Variants in RPSA2 observed in about 807,000 individuals in gnomAD.
RPSA2 encodes the protein small ribosomal subunit protein uS2B.
the RPSA2 span, among the ~76,000 whole-genome samples, chr19:23,835,615 G>GT: frequency 7.3e-5 from 11 of 151,130 alleles, no homozygotes; most frequent in African/African-American, 2.7e-4. Context: ...TTGTTTAATA[G>GT]TTTTTTTTTT....
At chr19:23,861,572 C>T in the RPSA2 span, among the ~76,000 whole-genome samples, 2 of 152,076 alleles carry the variant, frequency 1.3e-5, no homozygotes, top group African/African-American at 2.4e-5. Context: ...ACTTTTCCAC[C>T]GGGCCTCAGT....
the RPSA2 span, among the ~76,000 whole-genome samples, chr19:23,841,372 G>A: frequency 6.6e-6 from 1 of 152,210 alleles, no homozygotes; most frequent in South Asian, 2.1e-4. Context: ...GCTAAGGCAG[G>A]AGAATGGCGT....
chr19:23,809,610 G>T, the RPSA2 span: 1 of 151,720 alleles, frequency 6.6e-6, no homozygotes, highest in Non-Finnish European at 1.5e-5. Context: ...TTATTTCATT[G>T]CTATTGTAAA....
the RPSA2 span, among the ~76,000 whole-genome samples, chr19:23,767,680 A>G: frequency 6.6e-6 from 1 of 151,738 alleles, no homozygotes; most frequent in Non-Finnish European, 1.5e-5. Context: ...CAGTGGAGTC[A>G]GACATGTTTG....
At chr19:23,775,116 A>G in the RPSA2 span, among the ~76,000 whole-genome samples, 2 of 152,236 alleles carry the variant, frequency 1.3e-5, no homozygotes, top group Non-Finnish European at 2.9e-5. Context: ...CACATATTGT[A>G]TGAAGCCCCG....
the RPSA2 span, among the ~76,000 whole-genome samples, chr19:23,844,552 G>A: frequency 6.6e-6 from 1 of 152,044 alleles, no homozygotes; most frequent in Admixed American, 6.5e-5. Flanking sequence ...TATGCTTTTA[G>A]TTTGAGTTAT....
At chr19:23,767,293 G>A in the RPSA2 span, among the ~76,000 whole-genome samples, 1 of 151,980 alleles carries the variant, frequency 6.6e-6, no homozygotes, top group Non-Finnish European at 1.5e-5. Flanking sequence ...TTGCCAGGCT[G>A]GTCTCTAACT....
At chr19:23,845,256 T>C in the RPSA2 span, among the ~76,000 whole-genome samples, 2,192 of 71,154 alleles carry the variant, frequency 0.031, 71 homozygotes, top group African/African-American at 0.095. Context: ...TTATTTCATT[T>C]GGTTCTGTTC....
chr19:23,792,669 C>T, the RPSA2 span, among the ~76,000 whole-genome samples: 5 of 151,616 alleles, frequency 3.3e-5, no homozygotes, highest in South Asian at 6.3e-4. Context: ...CGCGCACCAC[C>T]AAGCCCGGCT....
At chr19:23,790,221 A>G in the RPSA2 span, among the ~76,000 whole-genome samples, 2 of 151,924 alleles carry the variant, frequency 1.3e-5, no homozygotes, top group African/African-American at 4.8e-5. Context: ...CTGGCTTGGC[A>G]CTTCTGACCT....
At chr19:23,841,363 C>A in the RPSA2 span, among the ~76,000 whole-genome samples, 3 of 152,036 alleles carry the variant, frequency 2.0e-5, no homozygotes, top group Non-Finnish European at 4.4e-5. Flanking sequence ...ACTCGGGAGG[C>A]TAAGGCAGGA....
At chr19:23,758,865 C>T in the RPSA2 span, 7 of 1,450,458 alleles carry the variant, frequency 4.8e-6, no homozygotes, top group Admixed American at 3.9e-5. Flanking sequence ...GAAGACGAGA[C>T]CCGGAGCTCG....
chr19:23,863,891 T>C, the RPSA2 span, among the ~76,000 whole-genome samples: 1 of 152,132 alleles, frequency 6.6e-6, no homozygotes. Context: ...CACCATCTGC[T>C]CTCCAGTGCA....
chr19:23,844,427 T>G, the RPSA2 span, among the ~76,000 whole-genome samples: 1 of 152,244 alleles, frequency 6.6e-6, no homozygotes, highest in East Asian at 1.9e-4. Flanking sequence ...TGAATCAAAT[T>G]GTAGTTCTAT....
the RPSA2 span, among the ~76,000 whole-genome samples, chr19:23,795,971 G>A: frequency 6.6e-6 from 1 of 152,100 alleles, no homozygotes. Flanking sequence ...TGCCATGTCA[G>A]CCAGGTTGAT....
chr19:23,812,507 T>C, the RPSA2 span, among the ~76,000 whole-genome samples: 1 of 151,060 alleles, frequency 6.6e-6, no homozygotes, highest in Non-Finnish European at 1.5e-5. Context: ...GCAATTCTCC[T>C]GCCTCAGCCT....
chr19:23,841,267 A>G, the RPSA2 span, among the ~76,000 whole-genome samples: 1 of 152,106 alleles, frequency 6.6e-6, no homozygotes, highest in Non-Finnish European at 1.5e-5. Context: ...GATCGAGACC[A>G]TCCTGGCTAA....
chr19:23,841,218 T>A, the RPSA2 span, among the ~76,000 whole-genome samples: 2 of 151,960 alleles, frequency 1.3e-5, no homozygotes, highest in Non-Finnish European at 2.9e-5. Flanking sequence ...AAAACTGTAT[T>A]ATTTGGGAGG....
chr19:23,816,659 C>T, the RPSA2 span, among the ~76,000 whole-genome samples: 1 of 152,040 alleles, frequency 6.6e-6, no homozygotes, highest in African/African-American at 2.4e-5. Flanking sequence ...TTTCATGCTG[C>T]TGATAAAAAC....
Sources: gnomAD v4.1 joint callset for allele counts (sites outside exome capture counted in the v4.1 genomes callset) on GRCh38, gnomAD v4.1.1 for gene constraint, MANE v1.5 for transcripts, NCBI Gene and HGNC (gene_info 2026-07-23, HGNC 2026-07-21) for gene names.